Variants in DMD observed in about 807,000 individuals in gnomAD.
DMD encodes mutant dystrophin.
DMD carries 63 observed loss-of-function variants against 330.1 expected under a neutral mutation model. The ratio of observed to expected loss-of-function variants is 0.19; its 90% CI spans 0.16 to 0.24. The LOEUF is 0.24. DMD is among the 10% of genes least tolerant of loss of function. The pLI, the probability that DMD is intolerant of heterozygous loss-of-function variation, is 1.00. For missense variants in DMD, 3,344 were observed against 2,684.1 expected (o/e 1.25, Z -5.43); for synonymous variants, 1,223 against 959.8 (o/e 1.27, Z -5.07).
intron 49 of DMD, among the ~76,000 whole-genome samples, chrX:31,826,960 T>C (rs1234526150): frequency 8.9e-6 from 1 of 112,120 alleles, no homozygotes; most frequent in Non-Finnish European, 1.9e-5. Flanking sequence ...TAGGTGACTT[T>C]TGCAGCTGAG....
At position 31,989,915 on chromosome X, in the gene DMD, T is replaced by G. The variant is rs1251046938; in HGVS notation, c.6439-21401A>C. On this transcript the variant is annotated intron_variant, in intron 44 of 78. Coordinates refer to ENST00000357033, the MANE Select transcript of DMD (RefSeq NM_004006.3). Reference sequence around the variant, plus strand: ...TCTGTTGATTCCATCACCCAGATAGTGAACATAGTACCCAACAGGAAGTTT... The same window carrying G: ...TCTGTTGATTCCATCACCCAGATAGGGAACATAGTACCCAACAGGAAGTTT... 2.2e-4 allele frequency among the ~76,000 whole-genome samples: 24 copies of G among 111,167 alleles called. 1 individual carries two copies. Among genetic ancestry groups the G allele is most frequent in the Non-Finnish European group, 5.7e-5 (3 of 53,051 alleles).
rs1234946267 is a variant in DMD at position 32,783,277 on chromosome X, A to T, written c.649+26216T>A. Among the ~76,000 whole-genome samples the T allele has an allele frequency of 1.3e-4, 12 of 94,926 alleles. No individual in the cohort carries two copies. In the Admixed American group the frequency reaches 1.4e-3, roughly 11 times the overall value. 82.4% of individuals were successfully genotyped at this position (94,926 alleles called of 115,157 possible). A position where few individuals can be genotyped will look rare whatever the true frequency, so the allele number is the denominator to read the frequency against. On this transcript the variant is annotated intron_variant, in intron 7 of 78. Transcript: ENST00000357033. ...ACGTATATACACATATATGGTATAT[A>T]TACACCATATATACACACATATATG...
intron 13 of DMD, among the ~76,000 whole-genome samples, chrX:32,591,528 A>T (rs1411681823): frequency 1.8e-5 from 2 of 111,968 alleles, no homozygotes; most frequent in African/African-American, 6.5e-5. Flanking sequence ...TTTATAAACC[A>T]CGCTCTCTTG....
chrX:32,440,079 C>T (rs184753238), intron 28 of DMD, among the ~76,000 whole-genome samples: 1 of 111,419 alleles, frequency 9.0e-6, no homozygotes, highest in African/African-American at 3.2e-5. Context: ...CATGGTGCTC[C>T]ATGTACGATT....
In DMD at chrX:31,204,136, A is replaced by T. The variant is rs1229708971; in HGVS notation, c.9650-18T>A. 1 of 1,206,256 alleles carries T rather than the reference A, an allele frequency of 8.3e-7. No individual in the cohort carries two copies. The highest frequency in any genetic ancestry group is 1.7e-5 in the African/African-American group (1 of 57,674). On this transcript the variant is annotated intron_variant, in intron 66 of 78. Coordinates refer to ENST00000357033, the MANE Select transcript of DMD (RefSeq NM_004006.3). ...GAAAAGGTCTACAAAGGAAGAAGAA[A>T]ATTGCAACAGTCAAAACACAGCACC...
intron 7 of DMD, among the ~76,000 whole-genome samples, chrX:32,757,128 G>A (rs1297345522): frequency 1.8e-5 from 2 of 111,072 alleles, no homozygotes; most frequent in African/African-American, 6.5e-5. Context: ...ATTTAAAAAT[G>A]GCTCAATCAA....
chrX:31,790,837 C>T (rs1192747633), intron 50 of DMD, among the ~76,000 whole-genome samples: 3 of 111,439 alleles, frequency 2.7e-5, no homozygotes, highest in African/African-American at 6.5e-5. Flanking sequence ...AAAAATGTTA[C>T]GTCTCTATAT....
chrX:32,679,857 A>G (rs1325205547), intron 9 of DMD, among the ~76,000 whole-genome samples: 1 of 104,990 alleles, frequency 9.5e-6, no homozygotes. Context: ...TGACACAAGA[A>G]ACGTTCACTA....
chrX:33,015,667 A>G (rs1381433523), intron 2 of DMD, among the ~76,000 whole-genome samples: 2 of 111,339 alleles, frequency 1.8e-5, no homozygotes, highest in Admixed American at 1.9e-4. Context: ...ACTTAAAATA[A>G]AAGTTAAAAA....
intron 9 of DMD, among the ~76,000 whole-genome samples, chrX:32,649,173 C>A (rs771550756): frequency 9.2e-6 from 1 of 109,167 alleles, no homozygotes; most frequent in African/African-American, 3.3e-5. Context: ...ACGTTATCCA[C>A]AGACTTCAGA....
chrX:31,843,066 G>A (rs1275957490), intron 48 of DMD, among the ~76,000 whole-genome samples: 2 of 111,891 alleles, frequency 1.8e-5, no homozygotes, highest in Non-Finnish European at 3.8e-5. Flanking sequence ...CTTTTTAATG[G>A]TTGTGTAGTA....
intron 2 of DMD, among the ~76,000 whole-genome samples, chrX:32,926,613 G>A (rs1362449847): frequency 9.1e-6 from 1 of 109,520 alleles, no homozygotes; most frequent in Non-Finnish European, 1.9e-5. Context: ...TTAGCAGGAT[G>A]TGGCGGCGTG....
chrX:32,361,564 A>T (rs2097834781), intron 37 of DMD, among the ~76,000 whole-genome samples: 1 of 111,842 alleles, frequency 8.9e-6, no homozygotes, highest in African/African-American at 3.2e-5. Flanking sequence ...TTTGAAGGGT[A>T]ACTGTGTCTC....
intron 1 of DMD, among the ~76,000 whole-genome samples, chrX:33,321,437 A>T (rs988915278): frequency 1.8e-4 from 20 of 111,425 alleles, no homozygotes; most frequent in African/African-American, 4.6e-4. Context: ...TGAAAAAAAA[A>T]ATATATTTTT....
At chrX:31,516,493 A>G (rs1427880662) in intron 55 of DMD, among the ~76,000 whole-genome samples, 1 of 111,260 alleles carries the variant, frequency 9.0e-6, no homozygotes, top group East Asian at 2.8e-4. Context: ...GCCACGCAAC[A>G]CCTTTAAAAG....
At chrX:32,543,630 A>G (rs1340653314) in intron 17 of DMD, among the ~76,000 whole-genome samples, 2 of 112,095 alleles carry the variant, frequency 1.8e-5, no homozygotes, top group Non-Finnish European at 3.8e-5. Flanking sequence ...TAATAAAAGA[A>G]ATTCATCAAA....
chrX:32,879,795 C>G (rs1187068170), intron 2 of DMD, among the ~76,000 whole-genome samples: 1 of 111,499 alleles, frequency 9.0e-6, no homozygotes, highest in African/African-American at 3.3e-5. Flanking sequence ...TTCCCTCTAA[C>G]AAACAGCCAT....
intron 44 of DMD, among the ~76,000 whole-genome samples, chrX:32,176,265 C>CT (rs1445725302): frequency 8.9e-6 from 1 of 112,017 alleles, no homozygotes; most frequent in Non-Finnish European, 1.9e-5. Flanking sequence ...AGTTTGTATC[C>CT]TATCCCTGCT....
intron 55 of DMD, among the ~76,000 whole-genome samples, chrX:31,548,673 C>T (rs1187744471): frequency 9.2e-6 from 1 of 109,021 alleles, no homozygotes; most frequent in East Asian, 2.8e-4. Context: ...TTACAGGCTG[C>T]GCCACTGCAC....
Sources: gnomAD v4.1 joint callset for allele counts (sites outside exome capture counted in the v4.1 genomes callset) on GRCh38, gnomAD v4.1.1 for gene constraint, MANE v1.5 for transcripts, NCBI Gene and HGNC (gene_info 2026-07-23, HGNC 2026-07-21) for gene names.